URB1: variants seen among roughly 807,000 people sequenced by gnomAD.
URB1 encodes URB1 ribosome biogenesis factor.
Under a neutral mutation model 242.3 loss-of-function variants are expected in URB1, and 197 were observed. That is an observed-to-expected ratio of 0.81 (90% CI 0.72 to 0.91). URB1 has a LOEUF of 0.91. Among genes scored for constraint, URB1 ranks in the 40% least tolerant of loss-of-function variants. The pLI, the probability that URB1 is intolerant of heterozygous loss-of-function variation, is 0.00. For synonymous variants in URB1, 1,153 were observed against 1,201.8 expected (o/e 0.96, Z 0.84); for missense variants, 2,721 against 2,860.5 (o/e 0.95, Z 1.11).
chr21:32,333,203 T>G, intron 30 of URB1, 114 bp downstream of exon 30: 1 of 877,488 alleles, frequency 1.1e-6, no homozygotes, highest in South Asian at 1.4e-5. Context: ...CTTTAAGAAT[T>G]ATTTCCAAGA....
intron 37 of URB1, 30 bp downstream of exon 37, chr21:32,317,646 T>G: frequency 6.5e-7 from 1 of 1,549,524 alleles, no homozygotes; most frequent in Non-Finnish European, 8.7e-7. Context: ...TGTTGGCTAC[T>G]CTGGGCCAGT....
intron 3 of URB1, among the ~76,000 whole-genome samples, chr21:32,384,058 G>A (rs935707838): frequency 2.6e-5 from 4 of 152,290 alleles, no homozygotes; most frequent in African/African-American, 7.2e-5. Flanking sequence ...TCCAGTAGAG[G>A]GAGTCACTCA....
chr21:32,367,829 G>A (rs189943462), intron 9 of URB1, among the ~76,000 whole-genome samples: 4 of 152,310 alleles, frequency 2.6e-5, no homozygotes, highest in African/African-American at 7.2e-5. Context: ...TAACTGTGCT[G>A]AGACTCAACA....
chr21:32,316,031 A>G (rs927781365), intron 38 of URB1, among the ~76,000 whole-genome samples: 2 of 152,238 alleles, frequency 1.3e-5, no homozygotes, highest in Non-Finnish European at 2.9e-5. Flanking sequence ...GCGCATTTAT[A>G]CGCATGTGAA....
In URB1 at chr21:32,349,408, G is replaced by A; in HGVS notation, c.2908C>T (p.Gln970Ter). 1 of 1,551,490 alleles carries A rather than the reference G, an allele frequency of 6.4e-7. No individual in the cohort carries two copies. The highest frequency in any genetic ancestry group is 1.4e-5 in the African/African-American group (1 of 73,186). ...CTCTGCTGGTTCTGGGCATCCAGCT[G>A]CTCACAGTGGACAACCAGGCGCCTG... ...LLRRLVVHCE[Q>*]LDAQNQQRCE... is the part of the protein sequence containing the mutation. The change falls in exon 21 of 39, where the codon CAG becomes TAG. Residue 970 changes from glutamine to a stop codon, truncating the protein, a stop_gained. Coordinates refer to ENST00000382751, the MANE Select transcript of URB1 (RefSeq NM_014825.3). LOFTEE classifies it high-confidence loss of function.
chr21:32,338,759 CA>C lies in URB1; in HGVS notation c.4457del (p.Leu1486ArgfsTer5). Reference protein sequence around the residue: ...YVMLMQHSLFLPTLLTSDGEE... With the variant: ...YVMLMQHSLFXPTLLTSDGEE... ...CTCCGTCAGACGTCAGTAGAGTCGG[CA>C]GAAACAGCGAGTGCTGCATGAGCAT... On this transcript the variant is annotated frameshift_variant, in exon 26 of 39. Coordinates refer to ENST00000382751, the MANE Select transcript of URB1 (RefSeq NM_014825.3). LOFTEE classifies it high-confidence loss of function. 6.4e-7 allele frequency: 1 copy of C among 1,551,658 alleles called. No homozygotes were observed. Among genetic ancestry groups the C allele is most frequent in the Non-Finnish European group, 8.7e-7 (1 of 1,146,990 alleles).
intron 25 of URB1, among the ~76,000 whole-genome samples, chr21:32,340,455 T>G (rs901734925): frequency 6.6e-6 from 1 of 151,828 alleles, no homozygotes; most frequent in African/African-American, 2.4e-5. Flanking sequence ...CTACTAAAAA[T>G]ACAAAAAATT....
chr21:32,384,485 C>A (rs569284462), intron 2 of URB1, 21 bp from the exon 3 acceptor site: 8 of 1,545,794 alleles, frequency 5.2e-6, no homozygotes, highest in Non-Finnish European at 7.0e-6. Context: ...AGAATTGAAA[C>A]GCTTAGAAAT....
intron 25 of URB1, among the ~76,000 whole-genome samples, chr21:32,340,439 A>G (rs945838715): frequency 6.6e-5 from 10 of 152,122 alleles, no homozygotes; most frequent in African/African-American, 2.4e-4. Flanking sequence ...TGGTGAAACC[A>G]CGTCTCTACT....
chr21:32,312,455 C>A lies in URB1; in HGVS notation c.*2463G>T. On this transcript the variant is annotated 3_prime_UTR_variant, in exon 39 of 39. Transcript: ENST00000382751. ...GCTCCCCCAGATGTGATGGCATCTG[C>A]CCTGCCAGGTCAGCTCACTGCAGTC... The A allele has an allele frequency of 4.3e-6, 2 of 462,562 alleles. No homozygotes were observed. The highest frequency in any genetic ancestry group is 3.2e-6 in the Non-Finnish European group (1 of 312,978). 28.7% of individuals were successfully genotyped at this position (462,562 alleles called of 1,614,324 possible).
rs1448654272 is a variant in URB1, at chr21:32,337,397, C to A, written c.4621+7G>T. On this transcript the variant is annotated splice_region_variant and intron_variant, in intron 27 of 38. Coordinates refer to ENST00000382751, the MANE Select transcript of URB1 (RefSeq NM_014825.3). ...CTGCTCACACTACCCAGCCCTCACA[C>A]CCTCACCTAGGACGCTGAGAGTGGC... The A allele has an allele frequency of 6.5e-7, 1 of 1,548,890 alleles. No individual in the cohort carries two copies. Among genetic ancestry groups the A allele is most frequent in the Non-Finnish European group, 8.7e-7 (1 of 1,144,806 alleles).
intron 11 of URB1, among the ~76,000 whole-genome samples, chr21:32,362,655 G>A (rs547011733): frequency 1.1e-3 from 160 of 152,274 alleles, no homozygotes; most frequent in Non-Finnish European, 1.9e-3. Flanking sequence ...AGCAGCTCAG[G>A]GAAAGCTGCC....
intron 7 of URB1, 88 bp from the exon 8 acceptor site, chr21:32,372,719 GC>G (rs756783042): frequency 1.4e-4 from 191 of 1,378,174 alleles, no homozygotes; most frequent in Non-Finnish European, 1.7e-4. Flanking sequence ...AATATTAACT[GC>G]CGATGACAAT....
At chr21:32,315,880 C>T (rs912187568) in intron 38 of URB1, among the ~76,000 whole-genome samples, 2 of 152,182 alleles carry the variant, frequency 1.3e-5, no homozygotes, top group Non-Finnish European at 2.9e-5. Flanking sequence ...CCTGGGCCCC[C>T]ACATTCCTCT....
At position 32,355,550 on chromosome 21, in the gene URB1, C is replaced by T; in HGVS notation, c.2005G>A (p.Gly669Arg). The T allele has an allele frequency of 1.9e-6, 3 of 1,551,642 alleles. No homozygotes were observed. The highest frequency in any genetic ancestry group is 1.2e-5 in the South Asian group (1 of 84,062). ...TCCTTCCAGGTGTGCTCAAACACCC[C>T]CGTGTCCCGCAGAATCTGCCAGGAA... ...LLIMKILRDT[G>R]VFEHTWKELE... Residue 669 changes from glycine to arginine, a missense_variant, in exon 16 of 39, where the codon GGG (glycine) becomes AGG (arginine). Physicochemically the swap from Gly to Arg is moderately radical, Grantham distance 125. Transcript: ENST00000382751.
intron 1 of URB1, among the ~76,000 whole-genome samples, chr21:32,386,510 G>A (rs2033585296): frequency 6.6e-6 from 1 of 152,116 alleles, no homozygotes. Context: ...GGCTGCCCTA[G>A]TAGATTAATC....
chr21:32,347,077 C>T lies in URB1; in HGVS notation c.3747G>A (p.Glu1249=), dbSNP rs2033095018. 1.3e-6 allele frequency: 2 copies of T among 1,550,666 alleles called. No homozygotes were observed. The highest frequency in any genetic ancestry group is 1.4e-5 in the African/African-American group (1 of 73,132). The part of the protein sequence containing the change: ...QESCTHLLWF[E]QWCLQAGPGL... ...CTGGGCCAGCCTGCAGGCACCACTG[C>T]TCGAACCACAGCAAGTGGGTGCAGC... Residue 1249 remains glutamate, a synonymous_variant, in exon 22 of 39, where the codon GAG becomes GAA. Coordinates refer to ENST00000382751, the MANE Select transcript of URB1 (RefSeq NM_014825.3).
At chr21:32,372,753 G>A in intron 7 of URB1, 122 bp from the exon 8 acceptor site, 7 of 1,100,474 alleles carry the variant, frequency 6.4e-6, no homozygotes, top group East Asian at 2.7e-5. Context: ...TTAAATACTT[G>A]GTGTCATTCC....
intron 8 of URB1, among the ~76,000 whole-genome samples, chr21:32,371,469 T>C (rs760865216): frequency 1.3e-5 from 2 of 152,238 alleles, no homozygotes; most frequent in Non-Finnish European, 1.5e-5. Flanking sequence ...TCTGCTGTTA[T>C]GTTTTGGCAG....
Sources: allele counts gnomAD v4.1 joint callset (sites outside exome capture counted in the v4.1 genomes callset), GRCh38; gene constraint gnomAD v4.1.1; transcripts MANE v1.5; gene names NCBI Gene and HGNC (gene_info 2026-07-23, HGNC 2026-07-21).